Variants in GABRG3 observed in about 807,000 individuals in gnomAD.
GABRG3 encodes the protein gamma-aminobutyric acid receptor subunit gamma-3.
In GABRG3, 25 loss-of-function variants were observed where a neutral mutation model predicts 48.8. That is an observed-to-expected ratio of 0.51 (90% confidence interval 0.37 to 0.72). GABRG3 has a LOEUF of 0.72. Among genes scored for constraint, GABRG3 ranks in the 30% least tolerant of loss-of-function variants. The pLI is 0.00. For synonymous variants in GABRG3, 227 were observed against 217.6 expected (o/e 1.04, Z -0.38); for missense variants, 394 against 577.9 (o/e 0.68, Z 3.26).
At position 27,335,870 on chromosome 15, in the gene GABRG3, C is replaced by G. The variant is rs544338134; in HGVS notation, c.574+6982C>G. On this transcript the variant is annotated intron_variant, in intron 5 of 9. Transcript: ENST00000615808. ...TAAATGTATACTAAAAACTGAACAA[C>G]AACAAAACAATCCAGTTAGAAATGG... Among the ~76,000 whole-genome samples, 48 of 152,174 alleles carry G rather than the reference C, an allele frequency of 3.2e-4. 1 individual carries two copies. In the South Asian group the frequency reaches 7.7e-3, roughly 24 times the overall value.
At chr15:27,156,477 G>A (rs1898431828) in intron 3 of GABRG3, among the ~76,000 whole-genome samples, 1 of 152,068 alleles carries the variant, frequency 6.6e-6, no homozygotes. Flanking sequence ...GAAACGAAAA[G>A]CAAAGAAAGC....
chr15:27,171,711 A>G (rs79980063), intron 3 of GABRG3, among the ~76,000 whole-genome samples: 7,800 of 152,076 alleles, frequency 0.051, 662 homozygotes, highest in African/African-American at 0.18. Context: ...ATGTTACCTA[A>G]TTCTTAGGCC....
chr15:27,526,524 A>T (rs1254583634), intron 7 of GABRG3, among the ~76,000 whole-genome samples: 1 of 151,996 alleles, frequency 6.6e-6, no homozygotes, highest in Non-Finnish European at 1.5e-5. Context: ...TCTTGGGAAG[A>T]CTCGGGAGAG....
intron 5 of GABRG3, among the ~76,000 whole-genome samples, chr15:27,393,021 C>G (rs1049914141): frequency 5.9e-5 from 9 of 151,960 alleles, no homozygotes; most frequent in Non-Finnish European, 1.2e-4. Context: ...TCTAAGAGCC[C>G]CGGTTCATTT....
At chr15:27,418,471 C>T (rs1010926930) in intron 5 of GABRG3, among the ~76,000 whole-genome samples, 5 of 152,092 alleles carry the variant, frequency 3.3e-5, no homozygotes, top group Admixed American at 1.3e-4. Flanking sequence ...AGCAAGGGTA[C>T]GGCAATGGTG....
chr15:27,299,700 CAG>C (rs766119753), intron 3 of GABRG3, among the ~76,000 whole-genome samples: 16 of 152,136 alleles, frequency 1.1e-4, no homozygotes, highest in Non-Finnish European at 1.8e-4. Flanking sequence ...AACTCTGAGA[CAG>C]AGGGACCTCC....
intron 3 of GABRG3, among the ~76,000 whole-genome samples, chr15:27,232,616 G>T (rs111479843): frequency 4.7e-4 from 71 of 152,276 alleles, no homozygotes; most frequent in African/African-American, 1.6e-3. Flanking sequence ...GGGACTAGAG[G>T]CTTTTCCCTA....
intron 6 of GABRG3, among the ~76,000 whole-genome samples, chr15:27,517,960 A>G (rs1430862379): frequency 6.6e-6 from 1 of 152,146 alleles, no homozygotes; most frequent in Non-Finnish European, 1.5e-5. Flanking sequence ...AAATATTGCT[A>G]CAACAGAATA....
chr15:27,090,846 G>C (rs1462602501), intron 3 of GABRG3, among the ~76,000 whole-genome samples: 2 of 152,086 alleles, frequency 1.3e-5, no homozygotes. Context: ...ACTGATTTTT[G>C]TTGAGTTGAT....
intron 3 of GABRG3, among the ~76,000 whole-genome samples, chr15:27,038,321 A>T (rs1331881584): frequency 1.3e-5 from 2 of 152,118 alleles, no homozygotes. Flanking sequence ...AGGGGACATA[A>T]ATGTGAAGGA....
At chr15:26,998,858 T>G (rs754826343) in intron 2 of GABRG3, among the ~76,000 whole-genome samples, 1 of 152,162 alleles carries the variant, frequency 6.6e-6, no homozygotes, top group Non-Finnish European at 1.5e-5. Flanking sequence ...TAGTAAAGTT[T>G]TTTGATTGAA....
chr15:27,013,020 T>C (rs1895717477), intron 2 of GABRG3, among the ~76,000 whole-genome samples: 1 of 152,134 alleles, frequency 6.6e-6, no homozygotes, highest in Admixed American at 6.5e-5. Context: ...TAAGAATAGA[T>C]TGGAAGGTGA....
chr15:27,270,343 G>T (rs914153739), intron 3 of GABRG3, among the ~76,000 whole-genome samples: 2 of 152,142 alleles, frequency 1.3e-5, no homozygotes, highest in Non-Finnish European at 2.9e-5. Context: ...GTTGGTGTTG[G>T]TGTGGAGCTT....
intron 3 of GABRG3, among the ~76,000 whole-genome samples, chr15:27,163,523 G>A (rs1024372198): frequency 6.6e-6 from 1 of 152,068 alleles, no homozygotes; most frequent in Non-Finnish European, 1.5e-5. Context: ...CTCTTGGGCT[G>A]TTACTAGGAT....
intron 3 of GABRG3, among the ~76,000 whole-genome samples, chr15:27,261,425 C>A (rs374625681): frequency 1.3e-5 from 2 of 151,868 alleles, no homozygotes; most frequent in South Asian, 2.1e-4. Context: ...CCCCCCAGTG[C>A]CACTGTCTCT....
chr15:27,255,516 A>G (rs956224814), intron 3 of GABRG3, among the ~76,000 whole-genome samples: 1 of 152,206 alleles, frequency 6.6e-6, no homozygotes, highest in Non-Finnish European at 1.5e-5. Context: ...CTGTTCTCAC[A>G]GTTACCATTC....
chr15:27,362,132 T>A (rs1895044541), intron 5 of GABRG3, among the ~76,000 whole-genome samples: 1 of 152,228 alleles, frequency 6.6e-6, no homozygotes, highest in African/African-American at 2.4e-5. Context: ...CTAGACTGGA[T>A]GTTCTCCCAA....
At chr15:27,417,588 A>C (rs531809475) in intron 5 of GABRG3, among the ~76,000 whole-genome samples, 1 of 151,952 alleles carries the variant, frequency 6.6e-6, no homozygotes, top group Admixed American at 6.6e-5. Flanking sequence ...CGGCCTTCAC[A>C]GTGTGTCCGC....
chr15:27,206,675 G>A (rs932973470), intron 3 of GABRG3, among the ~76,000 whole-genome samples: 2 of 152,166 alleles, frequency 1.3e-5, no homozygotes, highest in African/African-American at 4.8e-5. Context: ...ATTATTTTGT[G>A]TGGTTATCTA....
Sources: gnomAD v4.1 joint callset for allele counts (sites outside exome capture counted in the v4.1 genomes callset) on GRCh38, gnomAD v4.1.1 for gene constraint, MANE v1.5 for transcripts, NCBI Gene and HGNC (gene_info 2026-07-23, HGNC 2026-07-21) for gene names.